The following ACYP2 variants were observed in gnomAD, a reference collection of about 807,000 sequenced individuals.
The protein encoded by ACYP2 is acylphosphatase-2.
A neutral mutation model predicts 11.2 loss-of-function variants in ACYP2; 12 were observed. The observed-to-expected ratio is 1.08, with a 90% confidence interval of 0.69 to 1.74. The LOEUF is 1.74. Ranked by LOEUF, ACYP2 falls within the 40% of genes most tolerant of loss-of-function variation. The pLI is 0.00. For synonymous variants in ACYP2, 43 were observed against 32.2 expected (o/e 1.33, Z -1.13); for missense variants, 134 against 101.9 (o/e 1.31, Z -1.35).
intron 6 of ACYP2, among the ~76,000 whole-genome samples, chr2:54,264,023 T>G (rs1396760387): frequency 2.6e-5 from 4 of 152,156 alleles, no homozygotes; most frequent in Admixed American, 2.6e-4. Flanking sequence ...GTGTCCAGAA[T>G]TGGTTCCATC....
chr2:54,227,683 A>G (rs1422504368), intron 6 of ACYP2, among the ~76,000 whole-genome samples: 1 of 152,176 alleles, frequency 6.6e-6, no homozygotes, highest in East Asian at 1.9e-4. Context: ...TATCACACAT[A>G]TAATACTCTT....
At chr2:54,294,376 G>A (rs1427455637) in intron 6 of ACYP2, among the ~76,000 whole-genome samples, 11 of 152,028 alleles carry the variant, frequency 7.2e-5, no homozygotes, top group African/African-American at 2.4e-5. Context: ...TTTGCTTAGT[G>A]TTAGGTTAAT....
intron 4 of ACYP2, among the ~76,000 whole-genome samples, chr2:54,088,802 A>C (rs1052275718): frequency 6.6e-6 from 1 of 152,222 alleles, no homozygotes. Flanking sequence ...GATTGGGGAA[A>C]GGTTATTCCC....
intron 4 of ACYP2, among the ~76,000 whole-genome samples, chr2:54,128,330 A>T (rs1368957453): frequency 1.3e-5 from 2 of 152,338 alleles, no homozygotes; most frequent in Non-Finnish European, 2.9e-5. Context: ...CCTCTGTATC[A>T]GCAAGTGCCT....
At chr2:54,109,537 CAT>C in intron 4 of ACYP2, among the ~76,000 whole-genome samples, 1 of 152,188 alleles carries the variant, frequency 6.6e-6, no homozygotes, top group Admixed American at 6.5e-5. Context: ...CCAAACATCA[CAT>C]GTTCCCCCAA....
intron 4 of ACYP2, among the ~76,000 whole-genome samples, chr2:54,059,760 G>A (rs1203776283): frequency 1.3e-5 from 2 of 152,164 alleles, no homozygotes; most frequent in Non-Finnish European, 2.9e-5. Flanking sequence ...TCATCCTTCA[G>A]TAGGGTGAGC....
At chr2:54,090,299 C>T (rs1678157816) in intron 4 of ACYP2, among the ~76,000 whole-genome samples, 1 of 152,058 alleles carries the variant, frequency 6.6e-6, no homozygotes. Context: ...CTGCATGAAC[C>T]TCTTTTGCCA....
At chr2:54,115,369 A>T in intron 4 of ACYP2, 2 of 527,970 alleles carry the variant, frequency 3.8e-6, no homozygotes, top group Admixed American at 4.0e-5. Context: ...TCCGGCTTTT[A>T]TTTACTAACT....
intron 6 of ACYP2, chr2:54,267,374 T>G: frequency 6.5e-7 from 1 of 1,538,994 alleles, no homozygotes; most frequent in Non-Finnish European, 8.8e-7. Flanking sequence ...AGGTGAGAGG[T>G]TTCTACTTTC....
intron 6 of ACYP2, among the ~76,000 whole-genome samples, chr2:54,179,558 A>T (rs914968732): frequency 1.3e-5 from 2 of 152,200 alleles, no homozygotes; most frequent in Non-Finnish European, 2.9e-5. Context: ...TCTTGATTAT[A>T]TGCTAAACAA....
intron 6 of ACYP2, among the ~76,000 whole-genome samples, chr2:54,199,793 G>A (rs1684681958): frequency 2.0e-5 from 3 of 152,212 alleles, no homozygotes; most frequent in Admixed American, 2.0e-4. Context: ...AACCCAGGCA[G>A]CCTGACTTCA....
intron 4 of ACYP2, among the ~76,000 whole-genome samples, chr2:54,076,869 T>C (rs1677370340): frequency 6.6e-6 from 1 of 152,214 alleles, no homozygotes; most frequent in South Asian, 2.1e-4. Flanking sequence ...CTGAAAGTTG[T>C]CTTTATAATT....
intron 4 of ACYP2, among the ~76,000 whole-genome samples, chr2:54,105,610 G>T (rs1027977471): frequency 6.6e-6 from 1 of 151,950 alleles, no homozygotes; most frequent in East Asian, 1.9e-4. Context: ...GGGACTACAG[G>T]TGCAGCCTCC....
At chr2:54,061,763 G>A (rs1676481271) in intron 4 of ACYP2, among the ~76,000 whole-genome samples, 1 of 152,060 alleles carries the variant, frequency 6.6e-6, no homozygotes, top group Admixed American at 6.6e-5. Flanking sequence ...TTATAATTCT[G>A]GATGTCAGAA....
At chr2:54,038,973 T>C (rs1489765893) in intron 2 of ACYP2, among the ~76,000 whole-genome samples, 4 of 147,748 alleles carry the variant, frequency 2.7e-5, no homozygotes, top group Non-Finnish European at 3.0e-5. Flanking sequence ...AGGGAAGGAG[T>C]TGAGTGAGTG....
intron 6 of ACYP2, among the ~76,000 whole-genome samples, chr2:54,278,411 T>C (rs912662062): frequency 6.6e-6 from 1 of 152,230 alleles, no homozygotes; most frequent in Non-Finnish European, 1.5e-5. Flanking sequence ...TTAGCAAGAA[T>C]AAATTGGTGG....
chr2:54,050,218 A>G (rs984151395), intron 2 of ACYP2, among the ~76,000 whole-genome samples: 1 of 152,118 alleles, frequency 6.6e-6, no homozygotes, highest in Non-Finnish European at 1.5e-5. Flanking sequence ...TTAATGAAAC[A>G]TTATTTGAGG....
chr2:54,000,749 A>G (rs901295885), intron 2 of ACYP2, among the ~76,000 whole-genome samples: 26 of 152,182 alleles, frequency 1.7e-4, no homozygotes, highest in African/African-American at 3.9e-4. Context: ...ATTTCTGCCC[A>G]TAAGTAGAAC....
intron 6 of ACYP2, among the ~76,000 whole-genome samples, chr2:54,179,123 G>GAATTAAAGCGCTTATTAAATGCCTTTT (rs1683596931): frequency 6.6e-6 from 1 of 151,874 alleles, no homozygotes; most frequent in Admixed American, 6.6e-5. Context: ...CACATTAAGG[G>GAATTAAAGCGCTTATTAAATGCCTTTT]AATGCCTTAA....
Sources: gnomAD v4.1 joint callset for allele counts (sites outside exome capture counted in the v4.1 genomes callset) on GRCh38, gnomAD v4.1.1 for gene constraint, MANE v1.5 for transcripts, NCBI Gene and HGNC (gene_info 2026-07-23, HGNC 2026-07-21) for gene names.